ENTREP2: variants seen among roughly 807,000 people sequenced by gnomAD.
ENTREP2 encodes protein ENTREP2.
At chr15:29,493,125 C>CTTTTTTTTTTTTT in the ENTREP2 span, among the ~76,000 whole-genome samples, 6 of 84,774 alleles carry the variant, frequency 7.1e-5, 1 homozygote, top group African/African-American at 3.2e-4. Flanking sequence ...CCTGACAACC[C>CTTTTTTTTTTTTT]TTTTTTTTTT....
the ENTREP2 span, among the ~76,000 whole-genome samples, chr15:29,667,650 C>T: frequency 7.9e-5 from 12 of 151,844 alleles, no homozygotes; most frequent in East Asian, 1.8e-3. Context: ...CCTGCCACCA[C>T]GCCCAGCTAA....
chr15:29,173,681 A>C, the ENTREP2 span, among the ~76,000 whole-genome samples: 1 of 152,138 alleles, frequency 6.6e-6, no homozygotes, highest in Non-Finnish European at 1.5e-5. Context: ...GGCACCATTC[A>C]TCTTCTGATT....
At chr15:29,444,198 GAA>G in the ENTREP2 span, among the ~76,000 whole-genome samples, 1 of 138,848 alleles carries the variant, frequency 7.2e-6, no homozygotes, top group Non-Finnish European at 1.5e-5. Flanking sequence ...AAGAAAGAAA[GAA>G]AGAAAGAAAG....
the ENTREP2 span, among the ~76,000 whole-genome samples, chr15:29,489,369 C>G: frequency 1.4e-4 from 22 of 152,138 alleles, no homozygotes; most frequent in African/African-American, 5.3e-4. Context: ...CATGAACTGC[C>G]AAGGACATGA....
the ENTREP2 span, among the ~76,000 whole-genome samples, chr15:29,562,160 G>C: frequency 6.6e-6 from 1 of 152,244 alleles, no homozygotes; most frequent in South Asian, 2.1e-4. Context: ...ACGTGAAACA[G>C]AGAGGAAGGC....
At chr15:29,394,878 ATCTCTTTTT>A in the ENTREP2 span, among the ~76,000 whole-genome samples, 27 of 42,958 alleles carry the variant, frequency 6.3e-4, no homozygotes, top group African/African-American at 9.1e-4. Context: ...ATGTGTCAGA[ATCTCTTTTT>A]TTTTTTTTTT....
At chr15:29,447,996 G>A in the ENTREP2 span, among the ~76,000 whole-genome samples, 8 of 152,190 alleles carry the variant, frequency 5.3e-5, no homozygotes, top group East Asian at 1.9e-4. Flanking sequence ...AACCCGGGAC[G>A]TGGAGGCTGC....
the ENTREP2 span, among the ~76,000 whole-genome samples, chr15:29,294,528 C>A: frequency 6.6e-6 from 1 of 152,210 alleles, no homozygotes; most frequent in African/African-American, 2.4e-5. Flanking sequence ...ACCAAGTCCA[C>A]TGTCCTAGAA....
At chr15:29,437,392 G>T in the ENTREP2 span, among the ~76,000 whole-genome samples, 2 of 152,124 alleles carry the variant, frequency 1.3e-5, no homozygotes, top group Admixed American at 6.5e-5. Context: ...ATTCTAAGAG[G>T]AGATCAGTAA....
the ENTREP2 span, chr15:29,269,411 T>C: frequency 1.2e-6 from 2 of 1,614,180 alleles, no homozygotes; most frequent in East Asian, 2.2e-5. Context: ...TTCTGGTCTT[T>C]AATCAGCAAG....
the ENTREP2 span, among the ~76,000 whole-genome samples, chr15:29,169,728 C>T: frequency 1.3e-5 from 2 of 152,092 alleles, no homozygotes; most frequent in Non-Finnish European, 2.9e-5. Flanking sequence ...GGTATTTCAA[C>T]ACTAGTGTAA....
chr15:29,304,478 A>G, the ENTREP2 span, among the ~76,000 whole-genome samples: 2 of 152,208 alleles, frequency 1.3e-5, no homozygotes, highest in Non-Finnish European at 2.9e-5. Context: ...AGAAATTAAC[A>G]CTAAGAAAAT....
the ENTREP2 span, among the ~76,000 whole-genome samples, chr15:29,638,952 TC>T: frequency 1.3e-5 from 2 of 152,142 alleles, no homozygotes; most frequent in Admixed American, 1.3e-4. Context: ...TTGTGGTGAG[TC>T]ACTCAACAGC....
the ENTREP2 span, among the ~76,000 whole-genome samples, chr15:29,550,224 A>G: frequency 6.6e-5 from 10 of 152,204 alleles, no homozygotes; most frequent in African/African-American, 2.2e-4. Context: ...TCATCTGAGA[A>G]AGAGAACAAA....
the ENTREP2 span, among the ~76,000 whole-genome samples, chr15:29,548,072 T>A: frequency 6.6e-6 from 1 of 151,890 alleles, no homozygotes. Context: ...AGGGGCTGGG[T>A]TGGGGGTAAA....
At chr15:29,573,837 G>A in the ENTREP2 span, among the ~76,000 whole-genome samples, 2 of 151,920 alleles carry the variant, frequency 1.3e-5, no homozygotes, top group African/African-American at 2.4e-5. Context: ...CAAATCAATG[G>A]CCTCCAAAAA....
the ENTREP2 span, among the ~76,000 whole-genome samples, chr15:29,345,953 A>G: frequency 3.9e-5 from 6 of 152,120 alleles, no homozygotes; most frequent in Non-Finnish European, 8.8e-5. Context: ...TAACTATTTT[A>G]ATTCTCACAC....
the ENTREP2 span, among the ~76,000 whole-genome samples, chr15:29,549,388 G>T: frequency 0.043 from 6,557 of 151,608 alleles, 487 homozygotes; most frequent in African/African-American, 0.15. Flanking sequence ...TCCTGCCTTA[G>T]CCTCCCGAGT....
the ENTREP2 span, among the ~76,000 whole-genome samples, chr15:29,666,225 A>T: frequency 6.6e-6 from 1 of 152,104 alleles, no homozygotes; most frequent in South Asian, 2.1e-4. Flanking sequence ...CAAAGGTAAC[A>T]TGCCCAAAAC....
Sources: allele counts gnomAD v4.1 joint callset (sites outside exome capture counted in the v4.1 genomes callset), GRCh38; gene constraint gnomAD v4.1.1; transcripts MANE v1.5; gene names NCBI Gene and HGNC (gene_info 2026-07-23, HGNC 2026-07-21).